The following FBXO36 variants were observed in gnomAD, a reference collection of about 807,000 sequenced individuals.
FBXO36 encodes the protein F-box only protein 36.
Under a neutral mutation model 17.0 loss-of-function variants are expected in FBXO36, and 18 were observed. The observed-to-expected ratio is 1.06, with a 90% CI of 0.73 to 1.57. The LOEUF is 1.57. Among genes scored for constraint, FBXO36 ranks in the 40% most tolerant of loss-of-function variants. FBXO36 has a pLI of 0.00. For synonymous variants in FBXO36, 83 were observed against 85.3 expected (o/e 0.97, Z 0.15); for missense variants, 229 against 221.9 (o/e 1.03, Z -0.20).
intron 1 of FBXO36, among the ~76,000 whole-genome samples, chr2:229,927,646 A>G (rs778451789): frequency 2.0e-5 from 3 of 152,136 alleles, no homozygotes; most frequent in Non-Finnish European, 4.4e-5. Context: ...AGTTAACTCC[A>G]GCAGATGAAA....
intron 2 of FBXO36, among the ~76,000 whole-genome samples, chr2:229,980,100 G>A (rs1051486102): frequency 6.6e-6 from 1 of 151,652 alleles, no homozygotes; most frequent in African/African-American, 2.4e-5. Context: ...TAGGGTGGAC[G>A]GCAGTGGCAC....
chr2:229,951,477 C>A (rs2077057674), intron 1 of FBXO36, among the ~76,000 whole-genome samples: 1 of 152,046 alleles, frequency 6.6e-6, no homozygotes, highest in Admixed American at 6.6e-5. Context: ...CTCCTCATCT[C>A]AGGTGATCTG....
At chr2:229,945,131 G>C (rs921762859) in intron 1 of FBXO36, 9 of 152,168 alleles carry the variant, frequency 5.9e-5, no homozygotes, top group African/African-American at 1.4e-4. Context: ...ATTGGGAGTA[G>C]AGTGGGGGAA....
intron 2 of FBXO36, among the ~76,000 whole-genome samples, chr2:229,992,036 C>G (rs1378328884): frequency 6.6e-6 from 1 of 152,172 alleles, no homozygotes; most frequent in Admixed American, 6.6e-5. Context: ...CTTCCTTTAG[C>G]TTGTCTCTTT....
At chr2:230,008,359 G>T (rs1052558343) in intron 3 of FBXO36, among the ~76,000 whole-genome samples, 2 of 151,988 alleles carry the variant, frequency 1.3e-5, no homozygotes, top group South Asian at 4.2e-4. Context: ...CACCACCACC[G>T]GGGGGCGCTA....
At position 229,956,213 on chromosome 2, in the gene FBXO36, T is replaced by C. The variant is rs560013264; in HGVS notation, c.97-20028T>C. Among the ~76,000 whole-genome samples the C allele has an allele frequency of 2.0e-5, 3 of 152,320 alleles. No homozygotes were observed. In the East Asian group the frequency reaches 5.8e-4, roughly 29 times the overall value. ...TTCTCAGAGTTCTGGAAACCGGAAG[T>C]CCAAGATTAAGGTGTTGGCAGGTTT... On this transcript the variant is annotated intron_variant, in intron 1 of 3. Transcript: ENST00000283946.
intron 3 of FBXO36, among the ~76,000 whole-genome samples, chr2:229,999,041 A>G (rs1234580238): frequency 1.3e-5 from 2 of 150,774 alleles, no homozygotes; most frequent in African/African-American, 4.9e-5. Context: ...TGACGTTGTG[A>G]TCTGCCCGCC....
intron 1 of FBXO36, among the ~76,000 whole-genome samples, chr2:229,951,844 C>T (rs144199539): frequency 3.3e-5 from 5 of 152,286 alleles, no homozygotes; most frequent in Admixed American, 6.5e-5. Context: ...CAAGTGATTG[C>T]AAGTGATTTT....
At chr2:230,000,401 C>A (rs2077352108) in intron 3 of FBXO36, among the ~76,000 whole-genome samples, 1 of 147,716 alleles carries the variant, frequency 6.8e-6, no homozygotes, top group Non-Finnish European at 1.5e-5. Flanking sequence ...GCTGATTATT[C>A]ATACTTTAAA....
At chr2:229,950,381 A>T (rs1204487357) in intron 1 of FBXO36, among the ~76,000 whole-genome samples, 1 of 151,906 alleles carries the variant, frequency 6.6e-6, no homozygotes, top group Non-Finnish European at 1.5e-5. Flanking sequence ...AGCCGAGATC[A>T]CTCCACGGCA....
chr2:230,012,881 C>T lies in FBXO36; in HGVS notation c.*1997C>T, dbSNP rs971415200. The stretch of plus-strand genomic sequence containing the variant: ...TGGACATGCGCAATAGTTGATTCAG[C>T]TTCAATCAATAAGAACATAAATATG... On this transcript the variant is annotated 3_prime_UTR_variant, in exon 4 of 4. Transcript: ENST00000283946. 2 of 151,534 alleles carry T rather than the reference C, an allele frequency of 1.3e-5. No homozygotes were observed. The highest frequency in any genetic ancestry group is 1.3e-4 in the Admixed American group (2 of 15,216). The allele number at this position is 151,534 out of a possible 1,614,324, so 9.4% of individuals were successfully genotyped here.
At chr2:229,972,515 CTGACCAGTAAG>C (rs1229252815) in intron 1 of FBXO36, among the ~76,000 whole-genome samples, 2 of 152,002 alleles carry the variant, frequency 1.3e-5, no homozygotes, top group Non-Finnish European at 2.9e-5. Context: ...ATATGAAGGA[CTGACCAGTAAG>C]TGACCAGCAA....
chr2:229,976,137 A>C (rs921415528), intron 1 of FBXO36, 104 bp from the exon 2 acceptor site: 2 of 696,872 alleles, frequency 2.9e-6, no homozygotes, highest in Non-Finnish European at 4.8e-6. Context: ...GTTATAGCTA[A>C]TGTTGGACAC....
intron 2 of FBXO36, among the ~76,000 whole-genome samples, chr2:229,992,277 C>T (rs1367420023): frequency 6.6e-6 from 1 of 151,920 alleles, no homozygotes; most frequent in Non-Finnish European, 1.5e-5. Flanking sequence ...CATGCCTCAG[C>T]CTTGTAAGTA....
At chr2:229,988,408 C>G (rs2077280044) in intron 2 of FBXO36, among the ~76,000 whole-genome samples, 2 of 152,066 alleles carry the variant, frequency 1.3e-5, no homozygotes, top group Non-Finnish European at 2.9e-5. Context: ...TATTCTGGTA[C>G]CCGTTTTTTA....
At chr2:230,004,756 C>T (rs2077378067) in intron 3 of FBXO36, among the ~76,000 whole-genome samples, 1 of 152,180 alleles carries the variant, frequency 6.6e-6, no homozygotes, top group Non-Finnish European at 1.5e-5. Flanking sequence ...CCTGTAATCC[C>T]AGCACTTTGG....
At chr2:229,966,648 C>T (rs1426876336) in intron 1 of FBXO36, among the ~76,000 whole-genome samples, 3 of 152,126 alleles carry the variant, frequency 2.0e-5, no homozygotes, top group South Asian at 2.1e-4. Flanking sequence ...ATCCTTTCCC[C>T]ATTTCTTGTT....
chr2:229,985,254 G>A (rs772343361), intron 2 of FBXO36, among the ~76,000 whole-genome samples: 3 of 152,096 alleles, frequency 2.0e-5, no homozygotes, highest in Admixed American at 6.6e-5. Context: ...TCAATTTAGA[G>A]TAATTTAAAA....
chr2:229,995,900 A>AT (rs1212028671), intron 2 of FBXO36, among the ~76,000 whole-genome samples: 2,367 of 142,926 alleles, frequency 0.017, 64 homozygotes, highest in African/African-American at 0.055. Flanking sequence ...CCCTGTTCCT[A>AT]TTTTTTTTTT....
Sources: allele counts gnomAD v4.1 joint callset (sites outside exome capture counted in the v4.1 genomes callset), GRCh38; gene constraint gnomAD v4.1.1; transcripts MANE v1.5; gene names NCBI Gene and HGNC (gene_info 2026-07-23, HGNC 2026-07-21).